Variants in ZNF423 observed in about 807,000 individuals in gnomAD.
The protein encoded by ZNF423 is zinc finger protein 423, also known as Ebf-associated zinc finger protein.
Under a neutral mutation model 95.8 loss-of-function variants are expected in ZNF423, and 12 were observed. The observed-to-expected ratio is 0.13, with a 90% CI of 0.08 to 0.20. The LOEUF is 0.20. Among genes scored for constraint, ZNF423 ranks in the 10% least tolerant of loss-of-function variants. The pLI is 1.00. For missense variants in ZNF423, 1,316 were observed against 1,737.1 expected, an observed-to-expected ratio of 0.76 and a Z score of 4.31; for synonymous variants, 749 against 711.9, an observed-to-expected ratio of 1.05 and a Z score of -0.83.
chr16:49,565,083 G>A (rs1160633168), intron 5 of ZNF423, among the ~76,000 whole-genome samples: 3 of 152,186 alleles, frequency 2.0e-5, no homozygotes, highest in Non-Finnish European at 4.4e-5. Context: ...GACCCAGCAG[G>A]AGTTCTAATA....
chr16:49,533,365 C>G (rs1297162858), intron 5 of ZNF423, among the ~76,000 whole-genome samples: 4 of 152,220 alleles, frequency 2.6e-5, no homozygotes, highest in African/African-American at 9.6e-5. Context: ...GCCTCAACCA[C>G]CCCAGCATTC....
chr16:49,636,905 C>A lies in ZNF423; in HGVS notation c.2271G>T (p.Met757Ile). The A allele has an allele frequency of 1.2e-6, 2 of 1,613,942 alleles. No homozygotes were observed. The highest frequency in any genetic ancestry group is 1.7e-6 in the Non-Finnish European group (2 of 1,180,028). ...LAVKHSNEKK[M>I]YRCTACNWDF... The stretch of plus-strand genomic sequence containing the variant: ...CCCAGTTGCAGGCCGTGCAGCGGTA[C>A]ATCTTCTTCTCATTGCTGTGCTTCA... The change falls in exon 4 of 8, where the codon ATG (methionine) becomes ATT (isoleucine). Residue 757 changes from methionine to isoleucine, a missense_variant. By Grantham distance (10) the Met-to-Ile change is conservative (BLOSUM62 1). Coordinates refer to ENST00000563137, the MANE Select transcript of ZNF423 (RefSeq NM_001379286.1). This position sits in a 1 kb window ranked among gnomAD's most constrained non-coding sequence, Gnocchi z 8.6.
At chr16:49,536,181 C>T (rs1291920723) in intron 5 of ZNF423, among the ~76,000 whole-genome samples, 1 of 152,182 alleles carries the variant, frequency 6.6e-6, no homozygotes, top group African/African-American at 2.4e-5. Flanking sequence ...CAGGTAAATA[C>T]AGACAGAACT....
At chr16:49,732,798 C>T (rs1042896802) in intron 2 of ZNF423, among the ~76,000 whole-genome samples, 3 of 152,210 alleles carry the variant, frequency 2.0e-5, no homozygotes, top group Non-Finnish European at 2.9e-5. Context: ...TCCAAGCACC[C>T]GACATCAAGA....
At chr16:49,821,310 A>C (rs537842135) in intron 1 of ZNF423, among the ~76,000 whole-genome samples, 1 of 152,270 alleles carries the variant, frequency 6.6e-6, no homozygotes, top group East Asian at 1.9e-4. Context: ...ATAGCCTGCC[A>C]AATGTCATCT....
chr16:49,655,839 C>T (rs1319737528), intron 3 of ZNF423, among the ~76,000 whole-genome samples: 1 of 152,202 alleles, frequency 6.6e-6, no homozygotes, highest in Non-Finnish European at 1.5e-5. Context: ...TGAACCCACA[C>T]CACTGAATTA....
intron 3 of ZNF423, among the ~76,000 whole-genome samples, chr16:49,701,665 G>A (rs948484860): frequency 6.6e-6 from 1 of 151,872 alleles, no homozygotes. Context: ...ATACCTCTTC[G>A]ACACTGGGTG....
chr16:49,650,276 G>A (rs1056672361), intron 3 of ZNF423, among the ~76,000 whole-genome samples: 1 of 152,210 alleles, frequency 6.6e-6, no homozygotes, highest in African/African-American at 2.4e-5. Flanking sequence ...GAGTAAGAGT[G>A]TGCACTGGCT....
At chr16:49,730,296 G>T (rs918730161) in intron 3 of ZNF423, among the ~76,000 whole-genome samples, 5 of 152,182 alleles carry the variant, frequency 3.3e-5, no homozygotes, top group Admixed American at 3.3e-4. Context: ...AGAAGTGTGA[G>T]GTCAAGCACA....
chr16:49,743,558 C>T (rs568619396), intron 2 of ZNF423, among the ~76,000 whole-genome samples: 13 of 152,080 alleles, frequency 8.5e-5, no homozygotes, highest in African/African-American at 2.2e-4. Flanking sequence ...TTTAAAGATC[C>T]AGCCACAGGT....
At chr16:49,818,168 GC>G (rs1567357708) in intron 1 of ZNF423, among the ~76,000 whole-genome samples, 2 of 151,822 alleles carry the variant, frequency 1.3e-5, no homozygotes, top group African/African-American at 4.8e-5. Context: ...TTGATGCACC[GC>G]CCCCCAGAAT....
rs183383167 is a variant in ZNF423 at position 49,765,716 on chromosome 16, C to T, written c.100+23771G>A. Among the ~76,000 whole-genome samples the T allele has an allele frequency of 2.6e-5, 4 of 152,070 alleles. No homozygotes were observed. The East Asian group carries it at 7.7e-4, about 29-fold the overall frequency. On this transcript the variant is annotated intron_variant, in intron 2 of 7. Coordinates refer to ENST00000563137, the MANE Select transcript of ZNF423 (RefSeq NM_001379286.1). The stretch of plus-strand genomic sequence containing the variant: ...GCCTGGACAACAGAACGAGACCCTA[C>T]CTTGAAAAATAAAAAAATAAGTCAA...
chr16:49,517,036 A>G (rs1968175906), intron 7 of ZNF423, among the ~76,000 whole-genome samples: 1 of 152,172 alleles, frequency 6.6e-6, no homozygotes, highest in African/African-American at 2.4e-5. Flanking sequence ...TGTACAGAGG[A>G]GCCCAGAAAG....
chr16:49,664,400 G>C, intron 3 of ZNF423: 2 of 632,730 alleles, frequency 3.2e-6, no homozygotes, highest in Non-Finnish European at 3.9e-6. Flanking sequence ...GGAGAGGACA[G>C]AGGAGGCCCA....
intron 3 of ZNF423, among the ~76,000 whole-genome samples, chr16:49,655,957 G>A (rs1040528948): frequency 2.6e-5 from 4 of 152,076 alleles, no homozygotes; most frequent in African/African-American, 4.8e-5. Flanking sequence ...TTTGTTCATC[G>A]GGTCCAGGGC....
chr16:49,652,613 G>A lies in ZNF423; in HGVS notation c.302-13739C>T, dbSNP rs1407480477. Among the ~76,000 whole-genome samples the A allele has an allele frequency of 3.3e-5, 5 of 152,288 alleles. No homozygotes were observed. In the East Asian group the frequency reaches 5.8e-4, roughly 18 times the overall value. On this transcript the variant is annotated intron_variant, in intron 3 of 7. Coordinates refer to ENST00000563137, the MANE Select transcript of ZNF423 (RefSeq NM_001379286.1). ...GTTGGCGCCTTGTGAAGTCATCTCC[G>A]TGAGCTTCATGAAGCAACACCGCCA...
At chr16:49,666,905 A>G (rs1210919626) in intron 3 of ZNF423, among the ~76,000 whole-genome samples, 2 of 152,224 alleles carry the variant, frequency 1.3e-5, no homozygotes, top group South Asian at 2.1e-4. Context: ...GTGGGAAAGC[A>G]TGATGCCAGG....
At chr16:49,721,308 C>T (rs2032859160) in intron 3 of ZNF423, among the ~76,000 whole-genome samples, 2 of 152,292 alleles carry the variant, frequency 1.3e-5, no homozygotes, top group Middle Eastern at 3.4e-3. Context: ...ATACATTTCC[C>T]TTAACGGGAA....
At chr16:49,750,646 G>A (rs1456028573) in intron 2 of ZNF423, among the ~76,000 whole-genome samples, 1 of 152,358 alleles carries the variant, frequency 6.6e-6, no homozygotes, top group East Asian at 1.9e-4. Flanking sequence ...GAGCAAAACC[G>A]GGAATGAGGT....
Sources: gnomAD v4.1 joint callset for allele counts (sites outside exome capture counted in the v4.1 genomes callset) on GRCh38, gnomAD v4.1.1 for gene constraint, Gnocchi (gnomAD v3.1) non-coding constraint, MANE v1.5 for transcripts, NCBI Gene and HGNC (gene_info 2026-07-23, HGNC 2026-07-21) for gene names.